TMPRSS15: variants seen among roughly 807,000 people sequenced by gnomAD.
The protein encoded by TMPRSS15 is enteropeptidase.
Under a neutral mutation model 125.3 loss-of-function variants are expected in TMPRSS15, and 128 were observed. The ratio of observed to expected loss-of-function variants is 1.02; its 90% confidence interval spans 0.89 to 1.18. TMPRSS15 has a LOEUF of 1.18. Among genes scored for constraint, TMPRSS15 ranks in the 50% most tolerant of loss-of-function variants. The pLI is 0.00. For missense variants in TMPRSS15, 1,283 were observed against 1,212.7 expected, an observed-to-expected ratio of 1.06 and a Z score of -0.86; for synonymous variants, 446 against 423.2, an observed-to-expected ratio of 1.05 and a Z score of -0.66.
intron 1 of TMPRSS15, among the ~76,000 whole-genome samples, chr21:18,479,730 A>G (rs1047491989): frequency 5.3e-5 from 8 of 152,108 alleles, no homozygotes; most frequent in African/African-American, 1.9e-4. Context: ...TTAAAAAGTC[A>G]GGAAACAACA....
At chr21:18,441,161 C>T (rs1456526093) in intron 1 of TMPRSS15, among the ~76,000 whole-genome samples, 4 of 151,964 alleles carry the variant, frequency 2.6e-5, no homozygotes, top group African/African-American at 9.7e-5. Flanking sequence ...GGTGTGGTGG[C>T]ATGCACCTGT....
At chr21:18,372,098 A>ATATG (rs71318139) in intron 6 of TMPRSS15, 95 bp downstream of exon 6, 2 of 537,612 alleles carry the variant, frequency 3.7e-6, no homozygotes, top group Non-Finnish European at 6.1e-6. Flanking sequence ...TGAGATTAGA[A>ATATG]TGTGTGTGTG....
At position 18,269,900 on chromosome 21, in the gene TMPRSS15, TTA is replaced by T; in HGVS notation, c.*67_*68del. The T allele has an allele frequency of 6.3e-7, 1 of 1,584,592 alleles. No individual in the cohort carries two copies. The highest frequency in any genetic ancestry group is 8.6e-7 in the Non-Finnish European group (1 of 1,160,754). ...TTTTTAAAATTTTTGTACGAAACAC[TTA>T]ATTTCCATGCTTTCTAGAGTAGAAT... On this transcript the variant is annotated 3_prime_UTR_variant, in exon 25 of 25. Coordinates refer to ENST00000284885, the MANE Select transcript of TMPRSS15 (RefSeq NM_002772.3).
intron 8 of TMPRSS15, among the ~76,000 whole-genome samples, chr21:18,356,400 C>G (rs1373729307): frequency 6.6e-6 from 1 of 151,592 alleles, no homozygotes; most frequent in Non-Finnish European, 1.5e-5. Flanking sequence ...TTAGTGAGTG[C>G]CCACTATGAA....
At chr21:18,428,619 G>C (rs1053978043) in intron 1 of TMPRSS15, among the ~76,000 whole-genome samples, 1 of 152,172 alleles carries the variant, frequency 6.6e-6, no homozygotes, top group African/African-American at 2.4e-5. Flanking sequence ...TGGCTTCAGA[G>C]AGTGGAAGCC....
intron 1 of TMPRSS15, among the ~76,000 whole-genome samples, chr21:18,415,880 C>T (rs970738782): frequency 1.3e-5 from 2 of 152,012 alleles, no homozygotes; most frequent in South Asian, 4.1e-4. Context: ...TAGATGACAT[C>T]ATCTTGTGTG....
chr21:18,308,513 C>T (rs113106858), intron 18 of TMPRSS15, among the ~76,000 whole-genome samples: 19,749 of 151,238 alleles, frequency 0.13, 1,776 homozygotes, highest in East Asian at 0.33. Flanking sequence ...AGAAAGAAAT[C>T]ACAAAAGAAT....
intron 1 of TMPRSS15, among the ~76,000 whole-genome samples, chr21:18,420,958 C>G (rs1162777062): frequency 6.6e-6 from 1 of 152,112 alleles, no homozygotes; most frequent in African/African-American, 2.4e-5. Context: ...TTGAATCACT[C>G]TAGATTTATT....
chr21:18,397,799 A>G (rs1338987782), intron 3 of TMPRSS15, 80 bp downstream of exon 3: 1 of 780,874 alleles, frequency 1.3e-6, no homozygotes, highest in Non-Finnish European at 2.1e-6. Flanking sequence ...CTTTTCCTAT[A>G]TATAGTGATG....
In TMPRSS15 at chr21:18,269,949, TGTTTA is replaced by T. The variant is rs1424304366; in HGVS notation, c.*15_*19del. On this transcript the variant is annotated 3_prime_UTR_variant, in exon 25 of 25. Coordinates refer to ENST00000284885, the MANE Select transcript of TMPRSS15 (RefSeq NM_002772.3). Reference sequence around the variant, plus strand: ...GAATGGGAAAATAATGCGACTTTCCTGTTTAGTTTAAGAAATGCGCTAATGTAGAA... The same window carrying T: ...GAATGGGAAAATAATGCGACTTTCCTGTTTAAGAAATGCGCTAATGTAGAA... 2 of 1,613,322 alleles carry T rather than the reference TGTTTA, an allele frequency of 1.2e-6. No individual in the cohort carries two copies. The highest frequency in any genetic ancestry group is 1.1e-5 in the South Asian group (1 of 91,070).
At chr21:18,475,233 T>C (rs1978857753) in intron 1 of TMPRSS15, among the ~76,000 whole-genome samples, 1 of 152,174 alleles carries the variant, frequency 6.6e-6, no homozygotes, top group Non-Finnish European at 1.5e-5. Flanking sequence ...TCCTATTCTA[T>C]TAGCTTTTAA....
intron 3 of TMPRSS15, among the ~76,000 whole-genome samples, chr21:18,396,072 C>G (rs561714426): frequency 6.6e-6 from 1 of 152,168 alleles, no homozygotes; most frequent in African/African-American, 2.4e-5. Context: ...CCAGCTGTAA[C>G]TAAAGAATAT....
At chr21:18,316,442 T>A (rs976980154) in intron 16 of TMPRSS15, among the ~76,000 whole-genome samples, 2 of 152,124 alleles carry the variant, frequency 1.3e-5, no homozygotes, top group Non-Finnish European at 2.9e-5. Flanking sequence ...AGATCAAAGT[T>A]GGATTGGGTC....
intron 19 of TMPRSS15, among the ~76,000 whole-genome samples, chr21:18,295,811 T>C (rs567879623): frequency 6.6e-6 from 1 of 152,216 alleles, no homozygotes; most frequent in East Asian, 1.9e-4. Flanking sequence ...TTTCACCCTG[T>C]GGTGGGAGGT....
At chr21:18,396,632 G>A (rs987713680) in intron 3 of TMPRSS15, among the ~76,000 whole-genome samples, 16 of 151,774 alleles carry the variant, frequency 1.1e-4, no homozygotes, top group Non-Finnish European at 1.5e-5. Flanking sequence ...AAATTAGCCG[G>A]GTATGGTGGC....
intron 1 of TMPRSS15, among the ~76,000 whole-genome samples, chr21:18,433,663 C>CAAAAAAAAAAAAAA (rs58432155): frequency 1.1e-3 from 66 of 62,358 alleles, no homozygotes; most frequent in East Asian, 5.1e-3. Flanking sequence ...GACCTTGTCT[C>CAAAAAAAAAAAAAA]AAAAAAAAAA....
chr21:18,310,667 C>T (rs949128685), intron 18 of TMPRSS15, among the ~76,000 whole-genome samples: 1 of 151,860 alleles, frequency 6.6e-6, no homozygotes, highest in Non-Finnish European at 1.5e-5. Context: ...TTAATGCAAT[C>T]CCTATCAAAA....
intron 15 of TMPRSS15, among the ~76,000 whole-genome samples, chr21:18,328,108 T>C (rs1206996502): frequency 2.6e-5 from 4 of 152,184 alleles, no homozygotes; most frequent in African/African-American, 4.8e-5. Flanking sequence ...TTAGCTATTA[T>C]GTTTGACTGA....
chr21:18,415,985 G>A (rs977485313), intron 1 of TMPRSS15, among the ~76,000 whole-genome samples: 2 of 151,938 alleles, frequency 1.3e-5, no homozygotes, highest in African/African-American at 2.4e-5. Context: ...CAAAAAATCA[G>A]TTGTATTTCA....
Sources: gnomAD v4.1 joint callset for allele counts (sites outside exome capture counted in the v4.1 genomes callset) on GRCh38, gnomAD v4.1.1 for gene constraint, MANE v1.5 for transcripts, NCBI Gene and HGNC (gene_info 2026-07-23, HGNC 2026-07-21) for gene names.